ZNF365: variants seen among roughly 807,000 people sequenced by gnomAD.
The protein encoded by ZNF365 is zinc finger protein 365, also known as protein ZNF365.
A neutral mutation model predicts 35.0 loss-of-function variants in ZNF365; 22 were observed. The observed-to-expected ratio is 0.63, with a 90% confidence interval of 0.45 to 0.90. ZNF365 has a LOEUF of 0.90. ZNF365 is among the 40% of genes least tolerant of loss of function. The pLI is 0.00. For missense variants in ZNF365, 448 were observed against 500.3 expected (o/e 0.90, Z 1.00); for synonymous variants, 188 against 196.2 (o/e 0.96, Z 0.35).
intron 3 of ZNF365, among the ~76,000 whole-genome samples, chr10:62,455,813 T>C (rs1840753407): frequency 6.6e-6 from 1 of 152,192 alleles, no homozygotes; most frequent in African/African-American, 2.4e-5. Flanking sequence ...TACTGATAAG[T>C]GAATTGAAGT....
intron 3 of ZNF365, among the ~76,000 whole-genome samples, chr10:62,440,859 G>A (rs897295253): frequency 6.6e-6 from 1 of 152,116 alleles, no homozygotes; most frequent in Non-Finnish European, 1.5e-5. Context: ...CTACATATTA[G>A]ATATTTAGTA....
At chr10:62,455,545 C>T (rs1262935381) in intron 3 of ZNF365, among the ~76,000 whole-genome samples, 3 of 151,430 alleles carry the variant, frequency 2.0e-5, no homozygotes, top group Non-Finnish European at 4.4e-5. Context: ...TGTATATGTA[C>T]ATATACTGTA....
At chr10:62,452,117 G>A (rs992536020) in intron 3 of ZNF365, among the ~76,000 whole-genome samples, 2 of 152,158 alleles carry the variant, frequency 1.3e-5, no homozygotes, top group Non-Finnish European at 2.9e-5. Context: ...GCCAAGAACA[G>A]TGTTTCTTCA....
intron 4 of ZNF365, among the ~76,000 whole-genome samples, chr10:62,465,448 C>A (rs763064207): frequency 3.3e-5 from 5 of 152,154 alleles, no homozygotes; most frequent in Non-Finnish European, 5.9e-5. Context: ...AGTGAAAACC[C>A]ACCTTCAAGC....
intron 4 of ZNF365, chr10:62,479,807 TGACTATTGTTGCTGGCACC>T: frequency 9.1e-7 from 1 of 1,096,272 alleles, no homozygotes. Flanking sequence ...CTTCTTTTTT[TGACTATTGTTGCTGGCACC>T]TAGATACCAC....
intron 3 of ZNF365, among the ~76,000 whole-genome samples, chr10:62,428,398 A>T (rs1485248121): frequency 6.6e-6 from 1 of 152,162 alleles, no homozygotes; most frequent in South Asian, 2.1e-4. Flanking sequence ...TATTCTCATG[A>T]TAGTGAGTGA....
At chr10:62,392,635 TGTTTG>T (rs1473052676) in intron 3 of ZNF365, among the ~76,000 whole-genome samples, 1 of 151,820 alleles carries the variant, frequency 6.6e-6, no homozygotes, top group Non-Finnish European at 1.5e-5. Flanking sequence ...TTTGTTTGTT[TGTTTG>T]TTTGTTTTTG....
chr10:62,479,888 G>A (rs769126492), exon 5 of ZNF365: 1 of 1,613,168 alleles, frequency 6.2e-7, no homozygotes, highest in Non-Finnish European at 8.5e-7. Context: ...GTCTGCGATT[G>A]TGGAATAATG....
At chr10:62,437,635 G>C (rs768426860) in intron 3 of ZNF365, among the ~76,000 whole-genome samples, 5 of 152,158 alleles carry the variant, frequency 3.3e-5, no homozygotes, top group Non-Finnish European at 5.9e-5. Flanking sequence ...AACTCATAAA[G>C]CTTTTTCCTT....
chr10:62,429,469 G>C (rs980139094), intron 3 of ZNF365, among the ~76,000 whole-genome samples: 1 of 152,202 alleles, frequency 6.6e-6, no homozygotes, highest in Non-Finnish European at 1.5e-5. Context: ...AGCAGAACTA[G>C]ATTTTGACCT....
At chr10:62,415,245 G>A (rs924782913) in intron 3 of ZNF365, among the ~76,000 whole-genome samples, 2 of 151,702 alleles carry the variant, frequency 1.3e-5, no homozygotes, top group African/African-American at 4.8e-5. Context: ...ACCAAATGCT[G>A]ATCACTGCAT....
Position 62,394,799 on chromosome 10 carries a change from A to C in ZNF365, c.925-3941A>C, listed in dbSNP as rs149396711. On this transcript the variant is annotated intron_variant, in intron 3 of 4. Coordinates refer to ENST00000395254, the MANE Select transcript of ZNF365 (RefSeq NM_014951.3). ...GTCACCTTAGAAACAAGCAACTTAC[A>C]TATCAATCTAGGAATTTCACTGCTC... Among the ~76,000 whole-genome samples, 1,506 of 152,288 alleles carry C rather than the reference A, an allele frequency of 9.9e-3. 27 individuals are homozygous for C. Among genetic ancestry groups the C allele is most frequent in the African/African-American group, 0.035 (1,441 of 41,550 alleles).
At chr10:62,389,282 C>T (rs1305632144) in intron 3 of ZNF365, among the ~76,000 whole-genome samples, 2 of 27,020 alleles carry the variant, frequency 7.4e-5, no homozygotes, top group African/African-American at 1.5e-4. Context: ...CGATGGGGGG[C>T]GGGGGTGGGT....
At position 62,478,993 on chromosome 10, in the gene ZNF365, C is replaced by A. The variant is rs146055374; in HGVS notation, c.982-883C>A. ...CTACTTGATTCTTATCAAAGAATTT[C>A]TATTCTGTTTTGAAATATGCCTCTC... is the stretch of plus-strand genomic sequence containing the variant. On this transcript the variant is annotated intron_variant, in intron 4 of 4. Transcript: ENST00000395255. Among the ~76,000 whole-genome samples the A allele has an allele frequency of 1.6e-3, 241 of 152,320 alleles. 1 individual carries two copies. Among genetic ancestry groups the A allele is most frequent in the African/African-American group, 5.7e-3 (235 of 41,568 alleles).
At chr10:62,433,881 G>T (rs570719987) in intron 3 of ZNF365, among the ~76,000 whole-genome samples, 45 of 152,300 alleles carry the variant, frequency 3.0e-4, no homozygotes, top group Admixed American at 7.9e-4. Flanking sequence ...TTTTTAGTGG[G>T]ATGGAGATTT....
intron 4 of ZNF365, among the ~76,000 whole-genome samples, chr10:62,478,981 A>G (rs1434877544): frequency 2.6e-5 from 4 of 152,218 alleles, no homozygotes; most frequent in Non-Finnish European, 5.9e-5. Context: ...CTTGATTCTT[A>G]TCAAAGAATT....
intron 4 of ZNF365, among the ~76,000 whole-genome samples, chr10:62,465,250 C>T (rs1840921094): frequency 6.6e-6 from 1 of 152,224 alleles, no homozygotes; most frequent in Non-Finnish European, 1.5e-5. Context: ...CACCAGTCGC[C>T]TCTCCAACTG....
intron 4 of ZNF365, among the ~76,000 whole-genome samples, chr10:62,461,700 G>A (rs895323127): frequency 2.0e-5 from 3 of 152,108 alleles, no homozygotes; most frequent in South Asian, 2.1e-4. Flanking sequence ...AATGACAATC[G>A]CGGACTTCAA....
chr10:62,399,287 T>C (rs1223066736), intron 4 of ZNF365, among the ~76,000 whole-genome samples: 1 of 152,170 alleles, frequency 6.6e-6, no homozygotes, highest in Non-Finnish European at 1.5e-5. Flanking sequence ...ACCTCAGTCT[T>C]ATCACTGTAA....
Sources: allele counts gnomAD v4.1 joint callset (sites outside exome capture counted in the v4.1 genomes callset), GRCh38; gene constraint gnomAD v4.1.1; transcripts MANE v1.5; gene names NCBI Gene and HGNC (gene_info 2026-07-23, HGNC 2026-07-21).